TRDN: variants seen among roughly 807,000 people sequenced by gnomAD.
TRDN encodes the protein triadin.
In TRDN, 161 loss-of-function variants were observed where a neutral mutation model predicts 149.7. The observed-to-expected ratio is 1.08, with a 90% CI of 0.95 to 1.23. The LOEUF (loss-of-function observed/expected upper bound fraction) is 1.23, where lower values mean the gene tolerates loss of function less well. TRDN is among the 50% of genes most tolerant of loss of function. The probability of loss-of-function intolerance (pLI) is 0.00; values close to 1 mark genes in which losing one functional copy is unlikely to be tolerated. For missense variants in TRDN, 896 were observed against 823.5 expected, an observed-to-expected ratio of 1.09 and a Z score of -1.08; for synonymous variants, 294 against 250.5, an observed-to-expected ratio of 1.17 and a Z score of -1.64.
chr6:123,294,951 A>C (rs79526406), intron 24 of TRDN, among the ~76,000 whole-genome samples: 8,056 of 152,238 alleles, frequency 0.053, 261 homozygotes, highest in Non-Finnish European at 0.08. Flanking sequence ...AGAAGCAGTT[A>C]CAGAAAATGA....
At chr6:123,632,630 T>C (rs1434602103) in intron 1 of TRDN, among the ~76,000 whole-genome samples, 1 of 152,106 alleles carries the variant, frequency 6.6e-6, no homozygotes, top group East Asian at 1.9e-4. Flanking sequence ...TGTTGCTTTA[T>C]CAGGAAAATC....
chr6:123,287,302 C>T (rs372865906), intron 24 of TRDN, among the ~76,000 whole-genome samples: 2 of 152,116 alleles, frequency 1.3e-5, no homozygotes, highest in African/African-American at 4.8e-5. Flanking sequence ...TCTAAGCCTA[C>T]GTACTCCCTA....
intron 21 of TRDN, among the ~76,000 whole-genome samples, chr6:123,347,901 T>C: frequency 6.6e-6 from 1 of 152,134 alleles, no homozygotes; most frequent in East Asian, 1.9e-4. Context: ...CTCTGTGCTC[T>C]ATTGTTCAAG....
chr6:123,371,046 T>C (rs919180293), intron 19 of TRDN, among the ~76,000 whole-genome samples: 1 of 151,912 alleles, frequency 6.6e-6, no homozygotes, highest in South Asian at 2.1e-4. Flanking sequence ...TATTGATAAA[T>C]TGAAGATCAT....
intron 9 of TRDN, 150 bp from the exon 10 acceptor site, chr6:123,465,133 A>T: frequency 1.2e-6 from 1 of 865,542 alleles, no homozygotes; most frequent in East Asian, 2.7e-5. Context: ...GAAAGCTATT[A>T]TTAAGGGAGA....
In TRDN at chr6:123,416,658, T is replaced by C. The variant is rs187158300; in HGVS notation, c.1051+21405A>G. On this transcript the variant is annotated intron_variant, in intron 12 of 40. Coordinates refer to ENST00000334268, the MANE Select transcript of TRDN (RefSeq NM_006073.4). ...TCACTGGACTATGAAGTTCTATAAA[T>C]GCAAAAACTTTGTCTCCTTGTCACC... is the stretch of plus-strand genomic sequence containing the variant. Among the ~76,000 whole-genome samples the C allele has an allele frequency of 1.3e-4, 19 of 151,994 alleles. No homozygotes were observed. The East Asian group carries it at 3.7e-3, about 29-fold the overall frequency.
chr6:123,262,969 C>T (rs554879523), intron 33 of TRDN, among the ~76,000 whole-genome samples: 1 of 152,092 alleles, frequency 6.6e-6, no homozygotes, highest in African/African-American at 2.4e-5. Flanking sequence ...CCTAAAATGG[C>T]CTCTTAGTAT....
chr6:123,395,841 G>A (rs1639755221), intron 12 of TRDN, among the ~76,000 whole-genome samples: 1 of 152,070 alleles, frequency 6.6e-6, no homozygotes. Context: ...TGAGGTTGGT[G>A]CAAATGCAAT....
rs557840134 is a variant in TRDN at position 123,582,658 on chromosome 6, G to A, written c.23-11526C>T. Among the ~76,000 whole-genome samples the A allele has an allele frequency of 3.5e-4, 53 of 152,242 alleles. 1 individual carries two copies. The highest frequency in any genetic ancestry group is 1.2e-3 in the African/African-American group (50 of 41,550). On this transcript the variant is annotated intron_variant, in intron 1 of 40. Coordinates refer to ENST00000334268, the MANE Select transcript of TRDN (RefSeq NM_006073.4). ...TTTATGGTGGAATGTTATCAGTTAAGGCAGGAACCCGCGATCTGGATGTGT... is the reference window on the plus strand; with the variant it reads ...TTTATGGTGGAATGTTATCAGTTAAAGCAGGAACCCGCGATCTGGATGTGT...
intron 2 of TRDN, among the ~76,000 whole-genome samples, chr6:123,564,990 A>T (rs1782205576): frequency 6.6e-6 from 1 of 152,218 alleles, no homozygotes; most frequent in Non-Finnish European, 1.5e-5. Flanking sequence ...ATTGCTGTAC[A>T]TTCTGACCTA....
intron 4 of TRDN, among the ~76,000 whole-genome samples, chr6:123,537,758 C>T (rs530013821): frequency 2.6e-5 from 4 of 152,242 alleles, no homozygotes; most frequent in African/African-American, 9.6e-5. Flanking sequence ...ACCAATGGAA[C>T]AAAAATCAGT....
At chr6:123,230,536 T>TAAA (rs1775561191) in intron 38 of TRDN, among the ~76,000 whole-genome samples, 1 of 150,266 alleles carries the variant, frequency 6.7e-6, no homozygotes, top group South Asian at 2.1e-4. Flanking sequence ...TAAAGTATAA[T>TAAA]AATAATAATA....
chr6:123,455,914 A>C lies in TRDN; in HGVS notation c.931+8992T>G, dbSNP rs528991935. Among the ~76,000 whole-genome samples, 5 of 152,258 alleles carry C rather than the reference A, an allele frequency of 3.3e-5. No homozygotes were observed. In the East Asian group the frequency reaches 9.6e-4, roughly 29 times the overall value. ...TGGAAATGGATTGCAAGAATATTTC[A>C]TTACATTTAAAATGTCAAGGATGCC... On this transcript the variant is annotated intron_variant, in intron 10 of 40. Transcript: ENST00000334268.
intron 6 of TRDN, 40 bp from the exon 7 acceptor site, chr6:123,512,402 G>C (rs2114859377): frequency 8.1e-7 from 1 of 1,237,016 alleles, no homozygotes; most frequent in Non-Finnish European, 1.1e-6. Flanking sequence ...ATTTTTAATA[G>C]ATTTCAAAAC....
chr6:123,564,944 C>A (rs73770170), intron 2 of TRDN, among the ~76,000 whole-genome samples: 65 of 152,210 alleles, frequency 4.3e-4, no homozygotes, highest in African/African-American at 1.5e-3. Context: ...GAATGATGAT[C>A]CTTGTTCTTA....
chr6:123,310,444 T>A (rs1230427449), intron 24 of TRDN, among the ~76,000 whole-genome samples: 10 of 152,056 alleles, frequency 6.6e-5, no homozygotes, highest in Non-Finnish European at 1.5e-5. Context: ...AGTGAAAACC[T>A]TGTACTTATT....
chr6:123,615,780 T>C (rs932950624), intron 1 of TRDN, among the ~76,000 whole-genome samples: 3 of 152,136 alleles, frequency 2.0e-5, no homozygotes, highest in African/African-American at 4.8e-5. Context: ...CAAAGGTTGG[T>C]TAATGGATAT....
chr6:123,365,177 A>G (rs1340648191), intron 20 of TRDN, among the ~76,000 whole-genome samples: 1 of 152,190 alleles, frequency 6.6e-6, no homozygotes, highest in Admixed American at 6.5e-5. Flanking sequence ...GAGAGCATCT[A>G]TTAATTTCAA....
intron 24 of TRDN, among the ~76,000 whole-genome samples, chr6:123,287,359 G>A (rs1017325878): frequency 1.3e-5 from 2 of 152,048 alleles, no homozygotes; most frequent in African/African-American, 4.8e-5. Flanking sequence ...TAGATTACTG[G>A]GGGAGAATTC....
Sources: allele counts gnomAD v4.1 joint callset (sites outside exome capture counted in the v4.1 genomes callset), GRCh38; gene constraint gnomAD v4.1.1; transcripts MANE v1.5; gene names NCBI Gene and HGNC (gene_info 2026-07-23, HGNC 2026-07-21).